Variants in NFE2L2 observed in about 807,000 individuals in gnomAD.
NFE2L2 encodes the protein nuclear factor erythroid 2-related factor 2.
In NFE2L2, 20 loss-of-function variants were observed where a neutral mutation model predicts 49.6. That is an observed-to-expected ratio of 0.40 (90% confidence interval 0.28 to 0.59). The LOEUF (loss-of-function observed/expected upper bound fraction) is 0.59, where lower values mean the gene tolerates loss of function less well. NFE2L2 is among the 20% of genes least tolerant of loss of function. NFE2L2 has a pLI of 0.40. For synonymous variants in NFE2L2, 244 were observed against 256.5 expected (o/e 0.95, Z 0.47); for missense variants, 578 against 714.2 (o/e 0.81, Z 2.17).
At chr2:177,263,980 T>C in intron 1 of NFE2L2, 1 of 978,182 alleles carries the variant, frequency 1.0e-6, no homozygotes. Context: ...GGTGAGCGCG[T>C]CGCAGCCCGC....
At chr2:177,264,132 G>A (rs1235480906) in intron 1 of NFE2L2, among the ~76,000 whole-genome samples, 4 of 152,050 alleles carry the variant, frequency 2.6e-5, no homozygotes, top group African/African-American at 4.8e-5. Context: ...CGGAAGGGCC[G>A]GGCCGCGCCG....
At position 177,231,977 on chromosome 2, in the gene NFE2L2, T is replaced by A; in HGVS notation, c.626A>T (p.Glu209Val). ...CLNIENDKLV[E>V]TTMVPSPEAK... is the part of the protein sequence containing the mutation. ...TTCTGGACTTGGAACCATGGTAGTC[T>A]CAACCAGCTTGTCATTTTCAATATT... The change falls in exon 5 of 5, where the codon GAG becomes GTG. Residue 209 changes from glutamate to valine, a missense_variant. Coordinates refer to ENST00000397062, the MANE Select transcript of NFE2L2 (RefSeq NM_006164.5). The A allele has an allele frequency of 6.2e-7, 1 of 1,610,726 alleles. No homozygotes were observed. Among genetic ancestry groups the A allele is most frequent in the Non-Finnish European group, 8.5e-7 (1 of 1,178,292 alleles).
intron 1 of NFE2L2, among the ~76,000 whole-genome samples, chr2:177,253,545 C>T (rs1345110652): frequency 6.6e-6 from 1 of 152,118 alleles, no homozygotes; most frequent in African/African-American, 2.4e-5. Context: ...GTGTAGATAC[C>T]TAATAAATAT....
chr2:177,233,204 A>G (rs759354053), intron 3 of NFE2L2, 46 bp downstream of exon 3: 2 of 1,410,400 alleles, frequency 1.4e-6, no homozygotes, highest in Non-Finnish European at 1.9e-6. Flanking sequence ...GTTATTTTAT[A>G]GTTATGATGG....
intron 1 of NFE2L2, among the ~76,000 whole-genome samples, chr2:177,236,891 A>G (rs926337268): frequency 2.0e-5 from 3 of 152,010 alleles, no homozygotes; most frequent in African/African-American, 7.3e-5. Flanking sequence ...ATTTTGAGAT[A>G]GGGTCTCACT....
intron 1 of NFE2L2, among the ~76,000 whole-genome samples, chr2:177,262,915 A>G (rs541575893): frequency 8.5e-5 from 13 of 152,356 alleles, no homozygotes; most frequent in South Asian, 8.3e-4. Flanking sequence ...TACAATCCCA[A>G]TGAAGACTGG....
chr2:177,231,257 C>T lies in NFE2L2; in HGVS notation c.1346G>A (p.Arg449His), dbSNP rs181294188. ...ATCTCTTGTGAGATGAGCCTCCAAG[C>T]GGCTTGAATGTTTGTCTTTTGTGAA... ...TPFTKDKHSS[R>H]LEAHLTRDEL... Residue 449 changes from arginine to histidine, a missense_variant, in exon 5 of 5, where the codon CGC becomes CAC. Physicochemically the swap from Arg to His is conservative, Grantham distance 29 (BLOSUM62 0). Transcript: ENST00000397062. 230 of 1,614,178 alleles carry T rather than the reference C, an allele frequency of 1.4e-4. No homozygotes were observed. The East Asian group carries it at 4.3e-3, about 30-fold the overall frequency.
rs1377194284 is a variant in NFE2L2, at chr2:177,263,777, G to GAACCCC, written c.45+749_45+754dup. On this transcript the variant is annotated intron_variant, in intron 1 of 4. Coordinates refer to ENST00000397062, the MANE Select transcript of NFE2L2 (RefSeq NM_006164.5). ...GGGCCAACTCCGGGTGCCCGAGCCC[G>GAACCCC]AACCCCTCCCCGGCCGAGAAAGTGC... 3 of 985,394 alleles carry GAACCCC rather than the reference G, an allele frequency of 3.0e-6. No homozygotes were observed. In the African/African-American group the frequency reaches 5.2e-5, roughly 17 times the overall value. The allele number at this position is 985,394 out of a possible 1,614,324, so 61.0% of individuals were successfully genotyped here.
At chr2:177,261,906 C>T (rs576632593) in intron 1 of NFE2L2, among the ~76,000 whole-genome samples, 1 of 152,176 alleles carries the variant, frequency 6.6e-6, no homozygotes, top group African/African-American at 2.4e-5. Flanking sequence ...TGTTGGGTTC[C>T]TTTTTTTCAT....
intron 1 of NFE2L2, 59 bp downstream of exon 1, chr2:177,264,473 C>G: frequency 2.0e-6 from 3 of 1,498,662 alleles, no homozygotes; most frequent in Non-Finnish European, 2.7e-6. Context: ...GCCGCGGTTC[C>G]CTAGCTCCCC....
At chr2:177,255,461 CTGCT>C (rs1393723035) in intron 1 of NFE2L2, among the ~76,000 whole-genome samples, 1 of 152,198 alleles carries the variant, frequency 6.6e-6, no homozygotes, top group Non-Finnish European at 1.5e-5. Flanking sequence ...GTTCTGGTCT[CTGCT>C]TGGGAACCAG....
chr2:177,247,138 T>C (rs1179356080), intron 1 of NFE2L2, among the ~76,000 whole-genome samples: 1 of 152,132 alleles, frequency 6.6e-6, no homozygotes, highest in Non-Finnish European at 1.5e-5. Context: ...TACTGCCAAA[T>C]AGCCCTACAT....
chr2:177,234,091 G>C lies in NFE2L2; in HGVS notation c.226C>G (p.Leu76Val), dbSNP rs2105458615. ...AGAAATTCACCTGTCTCTTCATCTA[G>C]TTGTAACTGAGCGAAAAAGGCTTTC... ...QEKAFFAQLQ[L>V]DEETGEFLPI... The change falls in exon 2 of 5, where the codon CTA becomes GTA. Residue 76 changes from leucine (L) to valine (V), a missense_variant. By Grantham distance (32) the Leu-to-Val change is conservative. This residue lies in a region of NFE2L2 where 93 missense variants were observed against 153.9 expected (regional missense o/e 0.60). Coordinates refer to ENST00000397062, the MANE Select transcript of NFE2L2 (RefSeq NM_006164.5). 8.7e-6 allele frequency: 14 copies of C among 1,614,194 alleles called. No homozygotes were observed. The highest frequency in any genetic ancestry group is 1.2e-5 in the Non-Finnish European group (14 of 1,180,026).
At position 177,264,680 on chromosome 2, in the gene NFE2L2, TGGCGGCTGCGTC is replaced by T. The variant is rs1296773844; in HGVS notation, c.-116_-105del. 24 of 912,964 alleles carry T rather than the reference TGGCGGCTGCGTC, an allele frequency of 2.6e-5. No homozygotes were observed. In the South Asian group the frequency reaches 9.2e-4, roughly 35 times the overall value. The allele number at this position is 912,964 out of a possible 1,614,324, so 56.6% of individuals were successfully genotyped here. On this transcript the variant is annotated 5_prime_UTR_variant, in exon 1 of 5. Coordinates refer to ENST00000397062, the MANE Select transcript of NFE2L2 (RefSeq NM_006164.5). ...GCTCTGGTGGCGGCGGCGGCGGCGG[TGGCGGCTGCGTC>T]GGCGGCTCCTCCGGGCTCCCCGGCA...
intron 1 of NFE2L2, among the ~76,000 whole-genome samples, chr2:177,255,327 G>T (rs556574902): frequency 3.9e-5 from 6 of 152,258 alleles, no homozygotes; most frequent in African/African-American, 1.2e-4. Flanking sequence ...TCACAGTTTG[G>T]AAGTCACTGC....
At chr2:177,233,746 G>C in intron 2 of NFE2L2, 2 of 565,544 alleles carry the variant, frequency 3.5e-6, no homozygotes, top group Non-Finnish European at 6.2e-6. Flanking sequence ...ATCCTTACAG[G>C]ATGTTTCTAT....
Position 177,230,980 on chromosome 2 carries a change from T to A in NFE2L2, c.1623A>T (p.Lys541Asn). 1 of 1,609,438 alleles carries A rather than the reference T, an allele frequency of 6.2e-7. No homozygotes were observed. The highest frequency in any genetic ancestry group is 2.2e-5 in the East Asian group (1 of 44,862). The change falls in exon 5 of 5, where the codon AAA becomes AAT. Residue 541 changes from lysine (K) to asparagine (N), a missense_variant. Physicochemically the swap from Lys to Asn is moderately conservative, Grantham distance 94. Around this residue, in one of 3 missense-constraint regions of NFE2L2, gnomAD observed 117 missense variants for 175.8 expected, o/e 0.67. Transcript: ENST00000397062. ...HLKDEKEKLL[K>N]EKGENDKSLH... is the part of the protein sequence containing the mutation. ...GGCTTTTGTCATTTTCTCCTTTTTC[T>A]TTGAGCAATTTTTCTTTTTCATCTT...
chr2:177,262,137 C>A (rs1036287494), intron 1 of NFE2L2, among the ~76,000 whole-genome samples: 7 of 152,202 alleles, frequency 4.6e-5, no homozygotes, highest in Non-Finnish European at 4.4e-5. Flanking sequence ...CTCCTACATG[C>A]TGCTTCCACA....
intron 1 of NFE2L2, among the ~76,000 whole-genome samples, chr2:177,237,747 G>A (rs1157186881): frequency 5.3e-5 from 8 of 152,200 alleles, no homozygotes. Flanking sequence ...TCGAACCCCT[G>A]ACCTCAAGTG....
Sources: gnomAD v4.1 joint callset for allele counts (sites outside exome capture counted in the v4.1 genomes callset) on GRCh38, gnomAD v4.1.1 for gene constraint, gnomAD v4.1.1 regional missense constraint, MANE v1.5 for transcripts, NCBI Gene and HGNC (gene_info 2026-07-23, HGNC 2026-07-21) for gene names.